ELMO1: variants seen among roughly 807,000 people sequenced by gnomAD.
The protein encoded by ELMO1 is engulfment and cell motility protein 1.
In ELMO1, 26 loss-of-function variants were observed where a neutral mutation model predicts 98.9. The observed-to-expected ratio is 0.26, with a 90% CI of 0.19 to 0.36. ELMO1 has a LOEUF of 0.36. Ranked by LOEUF, ELMO1 falls within the 10% of genes least tolerant of loss-of-function variation. ELMO1 has a pLI of 1.00. For synonymous variants in ELMO1, 346 were observed against 346.0 expected (o/e 1.00, Z 0.00); for missense variants, 627 against 935.2 (o/e 0.67, Z 4.30).
At chr7:36,916,493 T>C (rs1210086214) in intron 16 of ELMO1, among the ~76,000 whole-genome samples, 1 of 152,230 alleles carries the variant, frequency 6.6e-6, no homozygotes. Context: ...ACTATACAAA[T>C]GTAACATGAG....
intron 16 of ELMO1, among the ~76,000 whole-genome samples, chr7:37,011,599 G>A (rs192584010): frequency 1.3e-5 from 2 of 152,266 alleles, no homozygotes; most frequent in Admixed American, 1.3e-4. Context: ...GGAAAAGCAG[G>A]ATAAATGAGA....
chr7:37,021,394 G>C (rs1037505997), intron 15 of ELMO1, among the ~76,000 whole-genome samples: 1 of 152,114 alleles, frequency 6.6e-6, no homozygotes, highest in Non-Finnish European at 1.5e-5. Context: ...TTTATTCAAT[G>C]CTTCATTGTT....
At chr7:37,040,523 T>C (rs1481712181) in intron 15 of ELMO1, among the ~76,000 whole-genome samples, 1 of 152,192 alleles carries the variant, frequency 6.6e-6, no homozygotes, top group Non-Finnish European at 1.5e-5. Context: ...ATGTGCATGA[T>C]GTGACACGCA....
At chr7:37,290,874 G>C (rs1562586223) in intron 4 of ELMO1, among the ~76,000 whole-genome samples, 1 of 151,828 alleles carries the variant, frequency 6.6e-6, no homozygotes, top group African/African-American at 2.4e-5. Context: ...GATGATGACA[G>C]AGAAGAAGAG....
chr7:37,146,914 G>A (rs1398631900), intron 13 of ELMO1, among the ~76,000 whole-genome samples: 1 of 152,090 alleles, frequency 6.6e-6, no homozygotes, highest in African/African-American at 2.4e-5. Flanking sequence ...ACCTGTTATG[G>A]TTCTCATCCT....
chr7:37,314,328 G>A (rs903244320), intron 4 of ELMO1, among the ~76,000 whole-genome samples: 1 of 151,978 alleles, frequency 6.6e-6, no homozygotes, highest in Non-Finnish European at 1.5e-5. Flanking sequence ...TTGCTCCCAG[G>A]GCCATTGCTG....
chr7:37,006,540 C>T (rs1793136404), intron 16 of ELMO1, among the ~76,000 whole-genome samples: 1 of 152,188 alleles, frequency 6.6e-6, no homozygotes, highest in African/African-American at 2.4e-5. Context: ...TTGCACCATG[C>T]ATTCTTGATG....
intron 16 of ELMO1, among the ~76,000 whole-genome samples, chr7:36,916,752 G>C (rs759225797): frequency 6.6e-6 from 1 of 152,190 alleles, no homozygotes; most frequent in Non-Finnish European, 1.5e-5. Context: ...TCAAACACTT[G>C]AGCTGCATCC....
chr7:37,005,911 A>G (rs1793092786), intron 16 of ELMO1, among the ~76,000 whole-genome samples: 1 of 152,036 alleles, frequency 6.6e-6, no homozygotes, highest in South Asian at 2.1e-4. Flanking sequence ...TGAGCCTGCC[A>G]GTTTATCTGC....
chr7:36,876,213 A>G (rs549617169), intron 19 of ELMO1, among the ~76,000 whole-genome samples: 1 of 152,328 alleles, frequency 6.6e-6, no homozygotes, highest in Non-Finnish European at 1.5e-5. Flanking sequence ...TCACCAGTTA[A>G]TAGCAAATGC....
At chr7:37,390,842 T>C (rs1803037802) in intron 1 of ELMO1, among the ~76,000 whole-genome samples, 1 of 152,222 alleles carries the variant, frequency 6.6e-6, no homozygotes, top group Non-Finnish European at 1.5e-5. Flanking sequence ...GAGGACAATC[T>C]GGTTATAGAC....
chr7:36,914,763 C>T (rs928650062), intron 16 of ELMO1, among the ~76,000 whole-genome samples: 7 of 152,084 alleles, frequency 4.6e-5, no homozygotes, highest in South Asian at 4.1e-4. Flanking sequence ...CTGCCCGCCT[C>T]GGCCTCCCAA....
chr7:37,333,564 T>C (rs528064143), intron 2 of ELMO1, among the ~76,000 whole-genome samples: 2 of 152,202 alleles, frequency 1.3e-5, no homozygotes, highest in Admixed American at 6.5e-5. Context: ...AAGGGAGAGA[T>C]ATGTTTGCTG....
At chr7:36,939,813 T>A (rs1417556548) in intron 16 of ELMO1, among the ~76,000 whole-genome samples, 1 of 152,224 alleles carries the variant, frequency 6.6e-6, no homozygotes, top group East Asian at 1.9e-4. Context: ...AGGGGCCAAG[T>A]GGCTGGCCGG....
chr7:36,914,765 G>A (rs1399350212), intron 16 of ELMO1, among the ~76,000 whole-genome samples: 3 of 152,066 alleles, frequency 2.0e-5, no homozygotes, highest in African/African-American at 7.2e-5. Context: ...GCCCGCCTCG[G>A]CCTCCCAAAG....
At chr7:36,973,831 C>T (rs993935969) in intron 16 of ELMO1, among the ~76,000 whole-genome samples, 3 of 152,256 alleles carry the variant, frequency 2.0e-5, no homozygotes, top group Admixed American at 1.3e-4. Flanking sequence ...GCGGCCCGCA[C>T]TCGGAGCAGC....
At chr7:36,914,175 A>C (rs138815854) in intron 16 of ELMO1, among the ~76,000 whole-genome samples, 29 of 152,336 alleles carry the variant, frequency 1.9e-4, no homozygotes, top group Admixed American at 6.5e-4. Flanking sequence ...GCTTACTTCC[A>C]TGAATCCTGC....
chr7:37,274,770 C>T (rs1194194351), intron 4 of ELMO1, among the ~76,000 whole-genome samples: 1 of 152,104 alleles, frequency 6.6e-6, no homozygotes, highest in African/African-American at 2.4e-5. Context: ...CCAGGCTGGT[C>T]TCAAACTCCT....
At chr7:37,330,769 C>G (rs1017620409) in intron 2 of ELMO1, among the ~76,000 whole-genome samples, 1 of 152,034 alleles carries the variant, frequency 6.6e-6, no homozygotes, top group African/African-American at 2.4e-5. Context: ...TTTTTCCTTC[C>G]CTAGTAAATC....
Sources: gnomAD v4.1 joint callset for allele counts (sites outside exome capture counted in the v4.1 genomes callset) on GRCh38, gnomAD v4.1.1 for gene constraint, MANE v1.5 for transcripts, NCBI Gene and HGNC (gene_info 2026-07-23, HGNC 2026-07-21) for gene names.